Variants in PCDH9 observed in about 807,000 individuals in gnomAD.
PCDH9 encodes protocadherin-9.
In PCDH9, 24 loss-of-function variants were observed where a neutral mutation model predicts 70.6. The observed-to-expected ratio is 0.34, with a 90% CI of 0.25 to 0.48. The LOEUF (loss-of-function observed/expected upper bound fraction) is 0.48, where lower values mean the gene tolerates loss of function less well. Among genes scored for constraint, PCDH9 ranks in the 20% least tolerant of loss-of-function variants. PCDH9 has a pLI of 0.99. For missense variants in PCDH9, 1,281 were observed against 1,503.6 expected, an observed-to-expected ratio of 0.85 and a Z score of 2.45; for synonymous variants, 562 against 558.5, an observed-to-expected ratio of 1.01 and a Z score of -0.09.
At chr13:66,777,353 A>T (rs1359827013) in intron 3 of PCDH9, among the ~76,000 whole-genome samples, 1 of 150,398 alleles carries the variant, frequency 6.6e-6, no homozygotes, top group African/African-American at 2.4e-5. Flanking sequence ...AACCTACAAA[A>T]TGGGAGAAAA....
intron 3 of PCDH9, among the ~76,000 whole-genome samples, chr13:66,890,448 CTT>C (rs36076373): frequency 1.3e-4 from 13 of 100,528 alleles, no homozygotes; most frequent in Non-Finnish European, 1.0e-4. Context: ...GACTTCTGAA[CTT>C]TTTTTTTTTT....
chr13:67,177,416 G>T (rs1803509890), intron 2 of PCDH9, among the ~76,000 whole-genome samples: 1 of 151,966 alleles, frequency 6.6e-6, no homozygotes, highest in African/African-American at 2.4e-5. Context: ...CCACTTTGTT[G>T]AAATTTATCT....
chr13:67,126,676 C>A (rs1415474395), intron 2 of PCDH9, among the ~76,000 whole-genome samples: 3 of 152,090 alleles, frequency 2.0e-5, no homozygotes, highest in Non-Finnish European at 4.4e-5. Flanking sequence ...TGGTGAAACC[C>A]CATCTCTACT....
chr13:67,171,168 C>T (rs1365466733), intron 2 of PCDH9, among the ~76,000 whole-genome samples: 2 of 152,080 alleles, frequency 1.3e-5, no homozygotes, highest in Non-Finnish European at 2.9e-5. Flanking sequence ...TTTTATTTTT[C>T]CAAGTAAATT....
intron 4 of PCDH9, among the ~76,000 whole-genome samples, chr13:66,520,004 T>C (rs899222813): frequency 6.6e-6 from 1 of 152,136 alleles, no homozygotes; most frequent in Non-Finnish European, 1.5e-5. Context: ...AAAGCAGCAA[T>C]CCAAATCGGT....
chr13:66,946,665 T>A (rs1192992341), intron 2 of PCDH9, among the ~76,000 whole-genome samples: 1 of 152,090 alleles, frequency 6.6e-6, no homozygotes, highest in African/African-American at 2.4e-5. Flanking sequence ...CCAAGAATGT[T>A]GGGCTTCTCA....
At chr13:66,615,170 G>T (rs2077340501) in intron 4 of PCDH9, among the ~76,000 whole-genome samples, 1 of 152,148 alleles carries the variant, frequency 6.6e-6, no homozygotes, top group Non-Finnish European at 1.5e-5. Flanking sequence ...TGTTAGCACA[G>T]GTCTTTGAAT....
chr13:66,319,398 T>G (rs1955711858), intron 4 of PCDH9, among the ~76,000 whole-genome samples: 1 of 150,822 alleles, frequency 6.6e-6, no homozygotes, highest in African/African-American at 2.5e-5. Flanking sequence ...GCAGATGAAT[T>G]TGACTTTGTG....
intron 3 of PCDH9, among the ~76,000 whole-genome samples, chr13:66,846,332 A>G (rs2081209201): frequency 6.6e-6 from 1 of 152,182 alleles, no homozygotes. Flanking sequence ...AAATGTCAAT[A>G]AAAATTAGTT....
intron 2 of PCDH9, among the ~76,000 whole-genome samples, chr13:66,999,226 C>A (rs1050293110): frequency 6.6e-6 from 1 of 152,016 alleles, no homozygotes; most frequent in African/African-American, 2.4e-5. Flanking sequence ...TATCTAAATT[C>A]AATTAATACA....
chr13:66,629,177 C>T (rs2077537615), intron 4 of PCDH9, among the ~76,000 whole-genome samples: 1 of 152,202 alleles, frequency 6.6e-6, no homozygotes. Flanking sequence ...ACTACAAATA[C>T]TTTGAAGATA....
intron 2 of PCDH9, among the ~76,000 whole-genome samples, chr13:66,907,136 G>A (rs2082375430): frequency 6.6e-6 from 1 of 152,040 alleles, no homozygotes; most frequent in African/African-American, 2.4e-5. Flanking sequence ...CTCGAGAGCT[G>A]GAGGTTGCAG....
chr13:67,002,628 C>T (rs2084268088), intron 2 of PCDH9, among the ~76,000 whole-genome samples: 1 of 151,310 alleles, frequency 6.6e-6, no homozygotes, highest in Non-Finnish European at 1.5e-5. Context: ...TGTTTTGTTT[C>T]CAAACAGTAC....
chr13:66,775,548 C>G (rs908123971), intron 3 of PCDH9, among the ~76,000 whole-genome samples: 11 of 152,270 alleles, frequency 7.2e-5, no homozygotes, highest in African/African-American at 2.6e-4. Flanking sequence ...TTCTTCTCCT[C>G]CTCAGCCTAC....
chr13:67,180,050 G>A (rs2088575207), intron 2 of PCDH9, among the ~76,000 whole-genome samples: 1 of 151,954 alleles, frequency 6.6e-6, no homozygotes, highest in African/African-American at 2.4e-5. Flanking sequence ...ATCACCAAAT[G>A]ACCAGTAGAA....
intron 4 of PCDH9, among the ~76,000 whole-genome samples, chr13:66,399,319 A>G (rs1957151338): frequency 6.6e-6 from 1 of 152,128 alleles, no homozygotes; most frequent in African/African-American, 2.4e-5. Context: ...CTGTGCTAGA[A>G]AGAAACTTCT....
intron 2 of PCDH9, among the ~76,000 whole-genome samples, chr13:66,943,334 C>T (rs375186190): frequency 6.6e-5 from 10 of 152,108 alleles, no homozygotes; most frequent in African/African-American, 2.4e-4. Context: ...TGGTTTTAGG[C>T]ACAGTTGTCT....
chr13:67,139,570 A>C (rs1165336305), intron 2 of PCDH9, among the ~76,000 whole-genome samples: 2 of 152,204 alleles, frequency 1.3e-5, no homozygotes, highest in East Asian at 3.8e-4. Flanking sequence ...CACTATTGTA[A>C]GATTTCGAAC....
intron 2 of PCDH9, among the ~76,000 whole-genome samples, chr13:67,176,019 G>T (rs576285486): frequency 2.0e-5 from 3 of 152,026 alleles, no homozygotes; most frequent in Admixed American, 6.6e-5. Context: ...TGAGCTAGCT[G>T]ATAAGTTTTA....
Sources: allele counts gnomAD v4.1 joint callset (sites outside exome capture counted in the v4.1 genomes callset), GRCh38; gene constraint gnomAD v4.1.1; transcripts MANE v1.5; gene names NCBI Gene and HGNC (gene_info 2026-07-23, HGNC 2026-07-21).